GLIS3: variants seen among roughly 807,000 people sequenced by gnomAD.
GLIS3 encodes zinc finger protein GLIS3.
In GLIS3, 53 loss-of-function variants were observed where a neutral mutation model predicts 78.6. That is an observed-to-expected ratio of 0.67 (90% CI 0.54 to 0.85). GLIS3 has a LOEUF of 0.85. Among genes scored for constraint, GLIS3 ranks in the 40% least tolerant of loss-of-function variants. The probability of loss-of-function intolerance (pLI) is 0.00; values close to 1 mark genes in which losing one functional copy is unlikely to be tolerated. For missense variants in GLIS3, 1,703 were observed against 1,231.1 expected (o/e 1.38, Z -5.74); for synonymous variants, 684 against 509.9 (o/e 1.34, Z -4.60).
rs150460072 is a variant in GLIS3 at position 4,292,658 on chromosome 9, A to T, written c.-98-6135T>A. Among the ~76,000 whole-genome samples, 551 of 152,342 alleles carry T rather than the reference A, an allele frequency of 3.6e-3. 6 individuals are homozygous for T. The highest frequency in any genetic ancestry group is 5.0e-3 in the Non-Finnish European group (342 of 68,014). On this transcript the variant is annotated intron_variant, in intron 1 of 10. Coordinates refer to ENST00000381971, the MANE Select transcript of GLIS3 (RefSeq NM_001042413.2). ...TTCACTGTGCAGTAAGTATCAATTG[A>T]TCAATTGTGCTCAATAAGTAATAAC...
chr9:4,303,047 A>G (rs982461545), upstream of GLIS3, among the ~76,000 whole-genome samples: 1 of 152,198 alleles, frequency 6.6e-6, no homozygotes. Context: ...TCTCACAGCA[A>G]TGAAACTCTC....
chr9:4,254,539 G>A (rs1238722252), intron 2 of GLIS3, among the ~76,000 whole-genome samples: 1 of 152,092 alleles, frequency 6.6e-6, no homozygotes, highest in Non-Finnish European at 1.5e-5. Flanking sequence ...AACATTTTGG[G>A]AACAAAAAGA....
chr9:4,388,993 A>T, the GLIS3 span, among the ~76,000 whole-genome samples: 19 of 152,134 alleles, frequency 1.2e-4, no homozygotes, highest in Non-Finnish European at 2.5e-4. Flanking sequence ...ACAATTGCTG[A>T]TTTTAAGGGG....
chr9:3,998,531 T>A (rs1317802158), intron 4 of GLIS3, among the ~76,000 whole-genome samples: 1 of 151,756 alleles, frequency 6.6e-6, no homozygotes, highest in Admixed American at 6.6e-5. Context: ...ACACTAACAA[T>A]AAACCTAGTA....
At chr9:4,251,977 G>A (rs1249298626) in intron 2 of GLIS3, among the ~76,000 whole-genome samples, 1 of 152,212 alleles carries the variant, frequency 6.6e-6, no homozygotes, top group Non-Finnish European at 1.5e-5. Flanking sequence ...GAGATCTGCT[G>A]TTAGTCTGAT....
chr9:4,145,712 T>C (rs546436197), intron 2 of GLIS3, among the ~76,000 whole-genome samples: 22 of 152,002 alleles, frequency 1.4e-4, no homozygotes, highest in African/African-American at 5.3e-4. Context: ...CTTCCTCCCC[T>C]TCTCTTCCTG....
rs74972996 is a variant in GLIS3 at position 3,924,332 on chromosome 9, C to T, written c.1983+8028G>A. On this transcript the variant is annotated intron_variant, in intron 6 of 10. Transcript: ENST00000381971. ...AATGCTTTCTACTGAACTAGCTCCC[C>T]TTTCACTTCTGGGGCCCCATGTTTG... Among the ~76,000 whole-genome samples, 4 of 152,316 alleles carry T rather than the reference C, an allele frequency of 2.6e-5. No homozygotes were observed. In the East Asian group the frequency reaches 7.7e-4, roughly 29 times the overall value.
the GLIS3 span, among the ~76,000 whole-genome samples, chr9:4,428,799 A>G: frequency 6.6e-6 from 1 of 152,150 alleles, no homozygotes. Flanking sequence ...TTGCAAAGGC[A>G]CTTTTAGCTA....
At chr9:4,261,905 A>T (rs1177381932) in intron 2 of GLIS3, among the ~76,000 whole-genome samples, 2 of 152,186 alleles carry the variant, frequency 1.3e-5, no homozygotes, top group Non-Finnish European at 2.9e-5. Flanking sequence ...CATCGCAACT[A>T]GTGTACCCTG....
the GLIS3 span, among the ~76,000 whole-genome samples, chr9:4,388,329 C>T: frequency 6.6e-6 from 1 of 152,040 alleles, no homozygotes; most frequent in Non-Finnish European, 1.5e-5. Flanking sequence ...AGGATGCCAT[C>T]CTCTTCTTGG....
chr9:4,204,517 G>A (rs1414845401), intron 2 of GLIS3, among the ~76,000 whole-genome samples: 3 of 152,068 alleles, frequency 2.0e-5, no homozygotes, highest in South Asian at 2.1e-4. Flanking sequence ...AGAGTAAGAG[G>A]AGCCCACCAA....
the GLIS3 span, among the ~76,000 whole-genome samples, chr9:4,458,299 G>A: frequency 1.3e-5 from 2 of 152,182 alleles, no homozygotes; most frequent in African/African-American, 4.8e-5. Context: ...CTAGGCACTG[G>A]GGACACAGTA....
rs138861958 is a variant in GLIS3 at position 4,292,953 on chromosome 9, C to A, written c.-98-6430G>T. ...GTCACTGCTGAATTAATTACCTGAA[C>A]TGCAAACACTGAATAGCACATGGCC... is the stretch of plus-strand genomic sequence containing the variant. On this transcript the variant is annotated intron_variant, in intron 1 of 10. Transcript: ENST00000381971. Among the ~76,000 whole-genome samples the A allele has an allele frequency of 2.3e-4, 35 of 152,314 alleles. No individual in the cohort carries two copies. The East Asian group carries it at 6.2e-3, about 27-fold the overall frequency.
chr9:4,110,357 T>G (rs1831110882), intron 4 of GLIS3, among the ~76,000 whole-genome samples: 1 of 152,240 alleles, frequency 6.6e-6, no homozygotes, highest in African/African-American at 2.4e-5. Context: ...TGCTCCTGCC[T>G]GCCCAGAAAC....
At chr9:3,896,360 G>A (rs945604239) in intron 7 of GLIS3, among the ~76,000 whole-genome samples, 5 of 152,072 alleles carry the variant, frequency 3.3e-5, no homozygotes, top group Admixed American at 2.6e-4. Context: ...CCTGAGGGAA[G>A]GAGGAATAAG....
intron 2 of GLIS3, among the ~76,000 whole-genome samples, chr9:4,201,528 T>C (rs1234879192): frequency 1.3e-5 from 2 of 152,154 alleles, no homozygotes; most frequent in Non-Finnish European, 2.9e-5. Context: ...GTAGTGTTTT[T>C]ATACACTAAT....
rs534015771 is a variant in GLIS3 at position 3,903,271 on chromosome 9, T to G, written c.1984-4436A>C. The stretch of plus-strand genomic sequence containing the variant: ...TGAGGCTCATTTCTTAAAAACAACT[T>G]GGATTGTATTTTCTTTCACAGGGAT... On this transcript the variant is annotated intron_variant, in intron 6 of 10. Coordinates refer to ENST00000381971, the MANE Select transcript of GLIS3 (RefSeq NM_001042413.2). Among the ~76,000 whole-genome samples, 25 of 152,292 alleles carry G rather than the reference T, an allele frequency of 1.6e-4. 1 individual carries two copies. The South Asian group carries it at 3.5e-3, about 21-fold the overall frequency.
At chr9:4,029,179 T>C (rs955426893) in intron 4 of GLIS3, among the ~76,000 whole-genome samples, 5 of 152,170 alleles carry the variant, frequency 3.3e-5, no homozygotes, top group Non-Finnish European at 7.4e-5. Flanking sequence ...AAACTACCTG[T>C]GAAACCCTTG....
At chr9:3,998,865 T>C (rs1270979675) in intron 4 of GLIS3, among the ~76,000 whole-genome samples, 2 of 151,546 alleles carry the variant, frequency 1.3e-5, no homozygotes, top group Admixed American at 6.6e-5. Context: ...CCAATCATTA[T>C]CACTTTCAAT....
Sources: allele counts gnomAD v4.1 joint callset (sites outside exome capture counted in the v4.1 genomes callset), GRCh38; gene constraint gnomAD v4.1.1; transcripts MANE v1.5; gene names NCBI Gene and HGNC (gene_info 2026-07-23, HGNC 2026-07-21).